Variants in TNFRSF10B observed in about 807,000 individuals in gnomAD.
The protein encoded by TNFRSF10B is tumor necrosis factor receptor superfamily member 10B.
A neutral mutation model predicts 41.4 loss-of-function variants in TNFRSF10B; 35 were observed. The ratio of observed to expected loss-of-function variants is 0.85; its 90% CI spans 0.65 to 1.12. The LOEUF (loss-of-function observed/expected upper bound fraction) is 1.12, where lower values mean the gene tolerates loss of function less well. TNFRSF10B is among the 50% of genes most tolerant of loss of function. TNFRSF10B has a pLI of 0.00. For missense variants in TNFRSF10B, 584 were observed against 552.7 expected (o/e 1.06, Z -0.57); for synonymous variants, 230 against 215.5 (o/e 1.07, Z -0.59).
At chr8:23,066,929 A>T (rs898785645) in intron 1 of TNFRSF10B, among the ~76,000 whole-genome samples, 1 of 151,612 alleles carries the variant, frequency 6.6e-6, no homozygotes, top group African/African-American at 2.4e-5. Flanking sequence ...AAAAACATAA[A>T]CTCTAAAACC....
At chr8:23,065,304 G>A (rs1383660787) in intron 1 of TNFRSF10B, among the ~76,000 whole-genome samples, 2 of 152,220 alleles carry the variant, frequency 1.3e-5, no homozygotes, top group Admixed American at 1.3e-4. Context: ...TCCAGCTACA[G>A]CAGGGGCAGA....
intron 2 of TNFRSF10B, among the ~76,000 whole-genome samples, chr8:23,032,506 A>G (rs542298250): frequency 6.6e-6 from 1 of 151,866 alleles, no homozygotes; most frequent in African/African-American, 2.4e-5. Flanking sequence ...TTTTTGGTCA[A>G]TAAGTCTTTT....
intron 2 of TNFRSF10B, among the ~76,000 whole-genome samples, chr8:23,039,757 A>G (rs1038243858): frequency 2.0e-5 from 3 of 152,206 alleles, no homozygotes; most frequent in African/African-American, 7.2e-5. Flanking sequence ...GATGTGATCT[A>G]TGACAGCAAC....
intron 2 of TNFRSF10B, among the ~76,000 whole-genome samples, chr8:23,040,441 AAT>A (rs368411292): frequency 0.27 from 12,710 of 46,944 alleles, 5,308 homozygotes; most frequent in East Asian, 0.47. Flanking sequence ...ATATATACAA[AAT>A]ATATATTTAT....
intron 2 of TNFRSF10B, among the ~76,000 whole-genome samples, chr8:23,033,682 T>G: frequency 6.7e-6 from 1 of 148,180 alleles, no homozygotes; most frequent in South Asian, 2.1e-4. Flanking sequence ...CTACTTAGGC[T>G]GCTATAATAA....
chr8:23,022,385 TG>T lies in TNFRSF10B; in HGVS notation c.*285del. The T allele has an allele frequency of 3.5e-6, 2 of 564,944 alleles. No homozygotes were observed. The highest frequency in any genetic ancestry group is 6.7e-6 in the Non-Finnish European group (2 of 299,542). The allele number at this position is 564,944 out of a possible 1,614,324, so 35.0% of individuals were successfully genotyped here. ...CATTTACATTAGGATAAAAAAGTGC[TG>T]TGAAAACAATGACATCCCAAACCAA... On this transcript the variant is annotated 3_prime_UTR_variant, in exon 9 of 9. Transcript: ENST00000276431.
intron 5 of TNFRSF10B, 60 bp downstream of exon 5, chr8:23,028,271 T>G: frequency 6.2e-7 from 1 of 1,610,216 alleles, no homozygotes; most frequent in Non-Finnish European, 8.5e-7. Context: ...TCTGTGGGAA[T>G]AGGGTGGGAG....
At position 23,029,611 on chromosome 8, in the gene TNFRSF10B, C is replaced by T. The variant is rs1168890252; in HGVS notation, c.475G>A (p.Gly159Arg). 6 of 1,608,808 alleles carry T rather than the reference C, an allele frequency of 3.7e-6. No homozygotes were observed. The highest frequency in any genetic ancestry group is 1.7e-4 in the Middle Eastern group (1 of 6,044). The change falls in exon 4 of 9, where the codon GGG (glycine) becomes AGG (arginine). Residue 159 changes from glycine to arginine, a missense_variant and splice_region_variant. Coordinates refer to ENST00000276431, the MANE Select transcript of TNFRSF10B (RefSeq NM_003842.5). ...SPEMCRKCRT[G>R]CPRGMVKVGD... ...GGGAGCCCCCGGCTCCTGTCTCACC[C>T]TGTGCGGCACTTCCGGCACATCTCA...
At chr8:23,054,938 A>G (rs1812620664) in intron 1 of TNFRSF10B, among the ~76,000 whole-genome samples, 1 of 152,220 alleles carries the variant, frequency 6.6e-6, no homozygotes. Flanking sequence ...AAAGCAAACC[A>G]GTCCTACCAT....
At position 23,053,349 on chromosome 8, in the gene TNFRSF10B, T is replaced by C. The variant is rs569639123; in HGVS notation, c.145-10106A>G. On this transcript the variant is annotated intron_variant, in intron 1 of 8. Transcript: ENST00000276431. ...ACAATGTAATGTGTATTTAAGACTA[T>C]TGAAAAAACAGTTTACATGCAAGTT... Among the ~76,000 whole-genome samples the C allele has an allele frequency of 6.4e-4, 97 of 152,320 alleles. 2 individuals carry two copies. The South Asian group carries it at 0.019, about 30-fold the overall frequency.
chr8:23,020,899 G>C lies in TNFRSF10B; in HGVS notation c.*1772C>G, dbSNP rs751534646. On this transcript the variant is annotated 3_prime_UTR_variant, in exon 9 of 9. Transcript: ENST00000276431. ...CACCCTGTGCCTTCCAGAAGTGCAG[G>C]GGACAACGCGTGGGATGCCAGATGG... 2.9e-5 allele frequency: 13 copies of C among 453,924 alleles called. No individual in the cohort carries two copies. In the East Asian group the frequency reaches 9.0e-4, roughly 32 times the overall value. 28.1% of individuals were successfully genotyped at this position (453,924 alleles called of 1,614,324 possible).
At chr8:23,026,537 C>T (rs1267482990) in intron 7 of TNFRSF10B, among the ~76,000 whole-genome samples, 1 of 152,122 alleles carries the variant, frequency 6.6e-6, no homozygotes, top group East Asian at 1.9e-4. Context: ...CTGCAGGAAA[C>T]TGGATAGTCT....
At chr8:23,031,061 G>A (rs1283424645) in intron 2 of TNFRSF10B, among the ~76,000 whole-genome samples, 189 bp from the exon 3 acceptor site, 1 of 152,072 alleles carries the variant, frequency 6.6e-6, no homozygotes, top group Non-Finnish European at 1.5e-5. Flanking sequence ...AGAAATATAA[G>A]CCACACATTT....
chr8:23,045,392 T>C (rs1306342796), intron 1 of TNFRSF10B, among the ~76,000 whole-genome samples: 3 of 152,132 alleles, frequency 2.0e-5, no homozygotes, highest in Non-Finnish European at 2.9e-5. Context: ...CATGAAGAAA[T>C]GGAAAATCCG....
chr8:23,059,400 G>A (rs1440743279), intron 1 of TNFRSF10B, among the ~76,000 whole-genome samples: 4 of 152,174 alleles, frequency 2.6e-5, no homozygotes, highest in African/African-American at 9.7e-5. Flanking sequence ...TACTTTTGAG[G>A]AACTATCATA....
chr8:23,048,053 C>T (rs908190812), intron 1 of TNFRSF10B, among the ~76,000 whole-genome samples: 2 of 152,136 alleles, frequency 1.3e-5, no homozygotes, highest in African/African-American at 2.4e-5. Context: ...TCACTTGAAA[C>T]AACATGGATG....
At chr8:23,042,050 T>C (rs1812216893) in intron 2 of TNFRSF10B, among the ~76,000 whole-genome samples, 1 of 152,206 alleles carries the variant, frequency 6.6e-6, no homozygotes, top group South Asian at 2.1e-4. Context: ...CCCTGAGCAG[T>C]TGAATTTGGT....
At chr8:23,051,667 C>G (rs527634527) in intron 1 of TNFRSF10B, among the ~76,000 whole-genome samples, 1 of 152,158 alleles carries the variant, frequency 6.6e-6, no homozygotes, top group African/African-American at 2.4e-5. Context: ...GCCTCAGCCT[C>G]CCGAGTAGCT....
chr8:23,031,995 C>T (rs576411115), intron 2 of TNFRSF10B, among the ~76,000 whole-genome samples: 1 of 151,464 alleles, frequency 6.6e-6, no homozygotes, highest in African/African-American at 2.4e-5. Flanking sequence ...CAACCTCTGC[C>T]TCCTGGGTTC....
Sources: gnomAD v4.1 joint callset for allele counts (sites outside exome capture counted in the v4.1 genomes callset) on GRCh38, gnomAD v4.1.1 for gene constraint, MANE v1.5 for transcripts, NCBI Gene and HGNC (gene_info 2026-07-23, HGNC 2026-07-21) for gene names.